Variants in TENM3 observed in about 807,000 individuals in gnomAD.
TENM3 encodes the protein teneurin transmembrane protein 3, also known as teneurin-3.
In TENM3, 63 loss-of-function variants were observed where a neutral mutation model predicts 255.1. The observed-to-expected ratio is 0.25, with a 90% CI of 0.20 to 0.30. The LOEUF is 0.30. TENM3 is among the 10% of genes least tolerant of loss of function. The probability of loss-of-function intolerance (pLI) is 1.00; values close to 1 mark genes in which losing one functional copy is unlikely to be tolerated. For synonymous variants in TENM3, 1,306 were observed against 1,322.3 expected (o/e 0.99, Z 0.27); for missense variants, 2,929 against 3,461.1 (o/e 0.85, Z 3.86).
At chr4:181,654,564 G>T in the TENM3 span, among the ~76,000 whole-genome samples, 1 of 151,940 alleles carries the variant, frequency 6.6e-6, no homozygotes, top group Non-Finnish European at 1.5e-5. Flanking sequence ...GACCAGCCTG[G>T]CCAACATGGT....
the TENM3 span, among the ~76,000 whole-genome samples, chr4:181,658,093 T>C: frequency 6.6e-6 from 1 of 152,276 alleles, no homozygotes; most frequent in South Asian, 2.1e-4. Flanking sequence ...GTCAGCATCA[T>C]GCAATATACT....
the TENM3 span, among the ~76,000 whole-genome samples, chr4:181,973,538 C>T: frequency 6.6e-6 from 1 of 151,980 alleles, no homozygotes; most frequent in African/African-American, 2.4e-5. Context: ...GCCTGGGAAA[C>T]ATAGTAGTTT....
the TENM3 span, among the ~76,000 whole-genome samples, chr4:181,686,074 C>T: frequency 6.6e-6 from 1 of 152,216 alleles, no homozygotes; most frequent in Admixed American, 6.5e-5. Flanking sequence ...TCACTGTGCC[C>T]TTTGCTGGGC....
At chr4:182,794,203 C>T (rs910331627) in intron 26 of TENM3, among the ~76,000 whole-genome samples, 1 of 152,160 alleles carries the variant, frequency 6.6e-6, no homozygotes, top group South Asian at 2.1e-4. Context: ...ATTGGAGTCC[C>T]AATCCCAGCT....
chr4:182,004,450 A>C, the TENM3 span, among the ~76,000 whole-genome samples: 1 of 152,128 alleles, frequency 6.6e-6, no homozygotes, highest in East Asian at 1.9e-4. Flanking sequence ...TGGGTGTACC[A>C]CATTTTCTTT....
chr4:182,022,530 T>TAA, the TENM3 span, among the ~76,000 whole-genome samples: 59 of 120,028 alleles, frequency 4.9e-4, no homozygotes, highest in Admixed American at 1.4e-3. Context: ...ATCCCCTGAA[T>TAA]AAAAAAAAAA....
chr4:182,086,643 T>G, the TENM3 span, among the ~76,000 whole-genome samples: 1 of 152,326 alleles, frequency 6.6e-6, no homozygotes, highest in African/African-American at 2.4e-5. Context: ...TATCTTTGAG[T>G]TTGCTTTTGA....
chr4:182,147,266 G>A (rs1168324699), intron 1 of TENM3, among the ~76,000 whole-genome samples: 1 of 152,124 alleles, frequency 6.6e-6, no homozygotes, highest in Non-Finnish European at 1.5e-5. Flanking sequence ...GTTAGGCTCG[G>A]TGTACAAAAA....
At chr4:182,160,908 C>T (rs1333047632) in intron 1 of TENM3, among the ~76,000 whole-genome samples, 1 of 113,236 alleles carries the variant, frequency 8.8e-6, no homozygotes, top group Non-Finnish European at 2.1e-5. Flanking sequence ...GTAATGTATA[C>T]ATGTGGATTG....
At chr4:182,381,885 G>A (rs930726861) in intron 3 of TENM3, among the ~76,000 whole-genome samples, 5 of 152,150 alleles carry the variant, frequency 3.3e-5, no homozygotes, top group Non-Finnish European at 7.3e-5. Flanking sequence ...TCTTAATGAA[G>A]AGCTGATGTT....
the TENM3 span, among the ~76,000 whole-genome samples, chr4:181,605,101 C>A: frequency 6.6e-6 from 1 of 152,022 alleles, no homozygotes; most frequent in Non-Finnish European, 1.5e-5. Flanking sequence ...TGTTATGTAA[C>A]CCTATTAGCT....
At chr4:181,512,065 C>T in the TENM3 span, among the ~76,000 whole-genome samples, 2 of 152,074 alleles carry the variant, frequency 1.3e-5, no homozygotes, top group Non-Finnish European at 2.9e-5. Flanking sequence ...CAATCTCATC[C>T]CTGCTTTCTC....
At position 182,738,466 on chromosome 4, in the gene TENM3, C is replaced by T. The variant is rs1561182662; in HGVS notation, c.3301C>T (p.Leu1101=). The T allele has an allele frequency of 6.2e-7, 1 of 1,613,336 alleles. No individual in the cohort carries two copies. Among genetic ancestry groups the T allele is most frequent in the Non-Finnish European group, 8.5e-7 (1 of 1,179,546 alleles). The change falls in exon 18 of 28, where the codon CTG becomes TTG. Residue 1101 remains leucine (L), a synonymous_variant. Coordinates refer to ENST00000511685, the MANE Select transcript of TENM3 (RefSeq NM_001080477.4). ...TCTGTGGGAAAAGAGGACTGCCATT[C>T]TGCAGGGCTATGAATTGGATGCGTC... The part of the protein sequence containing the change: ...LTLWEKRTAI[L]QGYELDASNM...
chr4:181,580,917 A>ATGTATGTG, the TENM3 span, among the ~76,000 whole-genome samples: 1 of 152,186 alleles, frequency 6.6e-6, no homozygotes, highest in South Asian at 2.1e-4. Flanking sequence ...GGGACAGAAA[A>ATGTATGTG]TGTATGTGTG....
the TENM3 span, among the ~76,000 whole-genome samples, chr4:181,961,620 C>T: frequency 1.1e-4 from 17 of 152,058 alleles, no homozygotes; most frequent in Non-Finnish European, 1.6e-4. Context: ...GGGCTTTCAC[C>T]GTGTTAGCCA....
the TENM3 span, among the ~76,000 whole-genome samples, chr4:181,722,938 C>G: frequency 6.6e-6 from 1 of 152,014 alleles, no homozygotes; most frequent in Admixed American, 6.5e-5. Context: ...ATGGGCCAGG[C>G]TAGATGGACA....
chr4:182,757,674 A>T (rs536448765), intron 22 of TENM3, among the ~76,000 whole-genome samples: 54 of 152,322 alleles, frequency 3.5e-4, no homozygotes, highest in African/African-American at 1.2e-3. Context: ...AAAAAAGAAG[A>T]TATATTTCTC....
chr4:181,522,811 A>G, the TENM3 span: 1 of 873,720 alleles, frequency 1.1e-6, no homozygotes, highest in African/African-American at 1.6e-5. Context: ...TTAATTTATT[A>G]TGTTGATAGA....
chr4:182,143,752 A>C (rs1749649643), upstream of TENM3: 1 of 153,050 alleles, frequency 6.5e-6, no homozygotes, highest in Non-Finnish European at 1.5e-5. This position sits in a 1 kb window ranked among gnomAD's most constrained non-coding sequence, Gnocchi z 4.3. Flanking sequence ...TAAGTTCATT[A>C]GTGTTTTCAA....
Sources: gnomAD v4.1 joint callset for allele counts (sites outside exome capture counted in the v4.1 genomes callset) on GRCh38, gnomAD v4.1.1 for gene constraint, Gnocchi (gnomAD v3.1) non-coding constraint, MANE v1.5 for transcripts, NCBI Gene and HGNC (gene_info 2026-07-23, HGNC 2026-07-21) for gene names.